The following NAV3 variants were observed in gnomAD, a reference collection of about 807,000 sequenced individuals.
NAV3 encodes pore membrane and/or filament interacting like protein 1.
NAV3 carries 87 observed loss-of-function variants against 244.7 expected under a neutral mutation model. The observed-to-expected ratio is 0.36, with a 90% CI of 0.30 to 0.42. NAV3 has a LOEUF of 0.42. Ranked by LOEUF, NAV3 falls within the 20% of genes least tolerant of loss-of-function variation. The pLI is 1.00. For missense variants in NAV3, 2,663 were observed against 2,893.3 expected (o/e 0.92, Z 1.83); for synonymous variants, 1,126 against 1,042.2 (o/e 1.08, Z -1.55).
In NAV3 at chr12:78,180,977, C is replaced by G. The variant is rs2139736121; in HGVS notation, c.5624C>G (p.Ser1875Cys). 6.2e-7 allele frequency: 1 copy of G among 1,613,300 alleles called. No individual in the cohort carries two copies. The highest frequency in any genetic ancestry group is 1.7e-5 in the Admixed American group (1 of 59,944). Residue 1875 changes from serine (S) to cysteine (C), a missense_variant, in exon 30 of 40, where the codon TCT (serine) becomes TGT (cysteine). Physicochemically the swap from Ser to Cys is moderately radical, Grantham distance 112. Transcript: ENST00000397909. ...TCAGAATCCTCAAGCAGCACCTCCT[C>G]TTCATCTTCCAGGCAGTCATTAGGA... ...PPSESSSSTS[S>C]SSSRQSLGLS...
chr12:78,167,027 A>G (rs779259654), intron 23 of NAV3, among the ~76,000 whole-genome samples: 2 of 151,832 alleles, frequency 1.3e-5, no homozygotes, highest in African/African-American at 4.8e-5. Flanking sequence ...TCCACTATGT[A>G]CCATTTATTT....
At chr12:78,162,842 A>G (rs531531474) in intron 23 of NAV3, among the ~76,000 whole-genome samples, 1 of 141,902 alleles carries the variant, frequency 7.0e-6, no homozygotes, top group Non-Finnish European at 1.5e-5. Flanking sequence ...AGCCTGGGCA[A>G]CAGAGCAAGA....
chr12:77,921,295 G>A (rs1887687362), intron 1 of NAV3, among the ~76,000 whole-genome samples: 1 of 152,008 alleles, frequency 6.6e-6, no homozygotes, highest in Non-Finnish European at 1.5e-5. Flanking sequence ...ATGTTCCTCA[G>A]TTAAGGCAAT....
chr12:78,114,927 T>C (rs746075390), intron 12 of NAV3, among the ~76,000 whole-genome samples: 34 of 152,138 alleles, frequency 2.2e-4, no homozygotes, highest in Non-Finnish European at 4.0e-4. Flanking sequence ...TCAAGCAAAA[T>C]ACACACCTAG....
At chr12:77,746,536 G>A (rs1195063838) in intron 2 of NAV3, among the ~76,000 whole-genome samples, 2 of 152,052 alleles carry the variant, frequency 1.3e-5, no homozygotes, top group Non-Finnish European at 2.9e-5. Flanking sequence ...ACTGTGTTGG[G>A]CCCTATGAGA....
At chr12:77,774,925 A>G (rs929991016) in intron 2 of NAV3, among the ~76,000 whole-genome samples, 3 of 152,226 alleles carry the variant, frequency 2.0e-5, no homozygotes, top group African/African-American at 7.2e-5. Context: ...TTTCTGTATC[A>G]TAGTGTCGTC....
At chr12:77,668,798 C>A (rs965611814) in intron 2 of NAV3, among the ~76,000 whole-genome samples, 1 of 152,104 alleles carries the variant, frequency 6.6e-6, no homozygotes, top group Non-Finnish European at 1.5e-5. Context: ...GCTCAAAGAA[C>A]CACCTGGGAA....
chr12:78,059,989 G>C (rs1884097837), intron 12 of NAV3, among the ~76,000 whole-genome samples: 1 of 151,702 alleles, frequency 6.6e-6, no homozygotes, highest in African/African-American at 2.4e-5. Context: ...GTGTCTGTGT[G>C]TGTGTGATGA....
At chr12:77,988,423 C>G (rs1240405229) in intron 5 of NAV3, among the ~76,000 whole-genome samples, 1 of 152,174 alleles carries the variant, frequency 6.6e-6, no homozygotes, top group East Asian at 1.9e-4. Context: ...GAAGCTCTGG[C>G]AGTTTGGATC....
At chr12:78,074,740 C>T (rs908684111) in intron 12 of NAV3, among the ~76,000 whole-genome samples, 19 of 152,184 alleles carry the variant, frequency 1.2e-4, no homozygotes, top group Middle Eastern at 6.8e-3. Context: ...GAAGATATGA[C>T]GCAAGACAGA....
intron 12 of NAV3, among the ~76,000 whole-genome samples, chr12:78,084,792 A>G (rs1400548649): frequency 1.3e-5 from 2 of 152,282 alleles, no homozygotes; most frequent in African/African-American, 4.8e-5. Flanking sequence ...TCATTGATAT[A>G]AAATCGATGT....
Position 77,880,392 on chromosome 12 carries a change from G to T in NAV3, c.243+48688G>T, listed in dbSNP as rs114041186. Among the ~76,000 whole-genome samples the T allele has an allele frequency of 4.1e-3, 623 of 152,156 alleles. 5 individuals carry two copies. The highest frequency in any genetic ancestry group is 0.014 in the African/African-American group (599 of 41,522). ...AGTAACTTCATAGAGGCTCTATTTG[G>T]GGTAGAAGATGGATAAAACCTGCAA... On this transcript the variant is annotated intron_variant, in intron 1 of 39. Coordinates refer to ENST00000397909, the MANE Select transcript of NAV3 (RefSeq NM_001024383.2).
At chr12:78,083,296 C>G (rs1020807570) in intron 12 of NAV3, among the ~76,000 whole-genome samples, 4 of 152,128 alleles carry the variant, frequency 2.6e-5, no homozygotes, top group Admixed American at 2.0e-4. Flanking sequence ...GGGCTCAGCC[C>G]TCATGACCCG....
At chr12:77,587,805 A>G (rs1869686603) in intron 2 of NAV3, among the ~76,000 whole-genome samples, 1 of 152,168 alleles carries the variant, frequency 6.6e-6, no homozygotes, top group Non-Finnish European at 1.5e-5. Context: ...ATTCCATGTA[A>G]TAGTTACAGA....
chr12:77,805,816 G>T (rs1383340834), intron 2 of NAV3, among the ~76,000 whole-genome samples: 2 of 152,018 alleles, frequency 1.3e-5, no homozygotes, highest in Non-Finnish European at 2.9e-5. Context: ...TTGGTTGGTA[G>T]GTTATTAATT....
chr12:78,133,528 CAGTA>C (rs1956250820), intron 18 of NAV3, among the ~76,000 whole-genome samples: 2 of 151,512 alleles, frequency 1.3e-5, no homozygotes, highest in South Asian at 4.2e-4. Flanking sequence ...TCAAAAGTTG[CAGTA>C]TTCATGTTTT....
At chr12:78,059,705 G>A (rs1238153046) in intron 12 of NAV3, among the ~76,000 whole-genome samples, 2 of 151,886 alleles carry the variant, frequency 1.3e-5, no homozygotes, top group African/African-American at 2.4e-5. Context: ...TAACATAGTT[G>A]CAAATGTTAA....
rs148198214 is a variant in NAV3, at chr12:77,714,528, T to A, written c.72+142262T>A. On this transcript the variant is annotated intron_variant, in intron 2 of 8. Transcript: ENST00000550042. ...CTCGAGGTTTGGTTTCATTCTTGTC[T>A]TACTCCGCCAGTAATTAATTCCTTT... 2.7e-3 allele frequency among the ~76,000 whole-genome samples: 415 copies of A among 152,244 alleles called. 2 individuals are homozygous for A. Among genetic ancestry groups the A allele is most frequent in the African/African-American group, 9.7e-3 (404 of 41,562 alleles).
intron 24 of NAV3, among the ~76,000 whole-genome samples, chr12:78,170,705 C>A (rs888835817): frequency 6.6e-6 from 1 of 151,730 alleles, no homozygotes; most frequent in Non-Finnish European, 1.5e-5. Context: ...TTTCAGCTAT[C>A]CTGAATTGTT....
Sources: gnomAD v4.1 joint callset for allele counts (sites outside exome capture counted in the v4.1 genomes callset) on GRCh38, gnomAD v4.1.1 for gene constraint, MANE v1.5 for transcripts, NCBI Gene and HGNC (gene_info 2026-07-23, HGNC 2026-07-21) for gene names.